The following FYB1 variants were observed in gnomAD, a reference collection of about 807,000 sequenced individuals.
FYB1 encodes FYN-binding protein 1.
A neutral mutation model predicts 94.1 loss-of-function variants in FYB1; 41 were observed. The ratio of observed to expected loss-of-function variants is 0.44; its 90% confidence interval spans 0.34 to 0.57. The LOEUF is 0.57. Ranked by LOEUF, FYB1 falls within the 20% of genes least tolerant of loss-of-function variation. The probability of loss-of-function intolerance (pLI) is 0.02; values close to 1 mark genes in which losing one functional copy is unlikely to be tolerated. For synonymous variants in FYB1, 367 were observed against 353.2 expected (o/e 1.04, Z -0.44); for missense variants, 1,050 against 976.8 (o/e 1.07, Z -1.00).
chr5:39,134,657 C>T (rs1364604304), intron 8 of FYB1, among the ~76,000 whole-genome samples, 198 bp downstream of exon 8: 1 of 152,156 alleles, frequency 6.6e-6, no homozygotes, highest in Non-Finnish European at 1.5e-5. Flanking sequence ...TAATATAAAA[C>T]TGTACGTTGT....
rs1053930651 is a variant in FYB1, at chr5:39,188,637, G to A, written c.1135+13189C>T. Among the ~76,000 whole-genome samples, 5 of 147,178 alleles carry A rather than the reference G, an allele frequency of 3.4e-5. No individual in the cohort carries two copies. The East Asian group carries it at 6.0e-4, about 18-fold the overall frequency. On this transcript the variant is annotated intron_variant, in intron 2 of 18. Coordinates refer to ENST00000512982, the MANE Select transcript of FYB1 (RefSeq NM_001465.6). Reference sequence around the variant, plus strand: ...TTGGCTCACTGCAACCTCCGCCTCCGGGGTTCAAGTGACTTTCCCAAGTAG... The same window carrying A: ...TTGGCTCACTGCAACCTCCGCCTCCAGGGTTCAAGTGACTTTCCCAAGTAG...
chr5:39,138,463 A>G, intron 6 of FYB1, 194 bp downstream of exon 6: 1 of 457,780 alleles, frequency 2.2e-6, no homozygotes, highest in Non-Finnish European at 4.0e-6. Flanking sequence ...TAGCTTTTTA[A>G]CAGAGTCCTT....
At chr5:39,222,764 A>T (rs777830820), upstream of FYB1, among the ~76,000 whole-genome samples, 1 of 152,232 alleles carries the variant, frequency 6.6e-6, no homozygotes, top group African/African-American at 2.4e-5. Flanking sequence ...TTATTATTAC[A>T]TAATAATAAA....
At chr5:39,267,760 G>A (rs1489531451) in intron 1 of FYB1, among the ~76,000 whole-genome samples, 2 of 152,190 alleles carry the variant, frequency 1.3e-5, no homozygotes, top group African/African-American at 4.8e-5. Context: ...TATATAGTAA[G>A]AAACTTAAAG....
At chr5:39,251,709 A>G (rs1751715385) in intron 1 of FYB1, among the ~76,000 whole-genome samples, 1 of 152,218 alleles carries the variant, frequency 6.6e-6, no homozygotes, top group Non-Finnish European at 1.5e-5. Flanking sequence ...AAATTATTAT[A>G]AAGTTTACTT....
At chr5:39,175,104 G>A (rs772782818) in intron 2 of FYB1, among the ~76,000 whole-genome samples, 1 of 152,140 alleles carries the variant, frequency 6.6e-6, no homozygotes, top group African/African-American at 2.4e-5. Context: ...AGGAGGAGGG[G>A]AATTGCTGAT....
At chr5:39,263,295 A>T (rs908077455) in intron 1 of FYB1, among the ~76,000 whole-genome samples, 2 of 152,140 alleles carry the variant, frequency 1.3e-5, no homozygotes, top group African/African-American at 4.8e-5. Context: ...AGATGCACTG[A>T]TGTGTTATAT....
At chr5:39,149,789 T>C (rs1432816447) in intron 3 of FYB1, among the ~76,000 whole-genome samples, 1 of 152,124 alleles carries the variant, frequency 6.6e-6, no homozygotes, top group Non-Finnish European at 1.5e-5. Flanking sequence ...CCCGGCGTTA[T>C]TGATTGTTCC....
chr5:39,120,224 T>TTG (rs10532379), intron 14 of FYB1, among the ~76,000 whole-genome samples: 3,110 of 147,642 alleles, frequency 0.021, 69 homozygotes, highest in African/African-American at 0.052. Context: ...CCTTTATCAA[T>TTG]TGTGTGTGTG....
At chr5:39,153,367 C>T (rs1177019038) in intron 3 of FYB1, 81 bp downstream of exon 3, 10 of 1,527,888 alleles carry the variant, frequency 6.5e-6, no homozygotes, top group Non-Finnish European at 9.0e-6. Context: ...TCCCATGGAA[C>T]TCTCAGCATT....
At chr5:39,261,186 A>G (rs1219170053) in intron 1 of FYB1, among the ~76,000 whole-genome samples, 1 of 151,808 alleles carries the variant, frequency 6.6e-6, no homozygotes, top group Non-Finnish European at 1.5e-5. Flanking sequence ...GGGGATGGGG[A>G]GCGAGGGGAG....
chr5:39,227,262 C>CA (rs58565928), intron 1 of FYB1, among the ~76,000 whole-genome samples: 2 of 150,516 alleles, frequency 1.3e-5, no homozygotes. Flanking sequence ...CTGGTTTGCA[C>CA]AAAAAAAAAG....
At chr5:39,208,653 G>A (rs1327462816) in intron 1 of FYB1, among the ~76,000 whole-genome samples, 2 of 152,164 alleles carry the variant, frequency 1.3e-5, no homozygotes, top group Non-Finnish European at 2.9e-5. Flanking sequence ...AAGAGAAACG[G>A]TTCCAGAAAG....
intron 16 of FYB1, among the ~76,000 whole-genome samples, chr5:39,115,082 T>C (rs967263558): frequency 6.8e-6 from 1 of 147,714 alleles, no homozygotes; most frequent in Admixed American, 7.0e-5. Flanking sequence ...AGTAGCATAG[T>C]AGGATGAAAC....
At chr5:39,195,934 A>C (rs1183446135) in intron 2 of FYB1, among the ~76,000 whole-genome samples, 1 of 142,922 alleles carries the variant, frequency 7.0e-6, no homozygotes, top group Non-Finnish European at 1.5e-5. Context: ...TTGTAACCTT[A>C]AATTGTTCTT....
Position 39,134,221 on chromosome 5 carries a change from C to A in FYB1, c.1804G>T (p.Asp602Tyr). ...ACTTGCACATACCTGCTAATATCAT[C>A]CTGCTCTGCAACATCATCATATACT... ...QEVYDDVAEQ[D>Y]DISSHSQSGS... The change falls in exon 9 of 19, where the codon GAT becomes TAT. Residue 602 changes from aspartate to tyrosine, a missense_variant. Physicochemically the swap from Asp to Tyr is radical, Grantham distance 160. Coordinates refer to ENST00000512982, the MANE Select transcript of FYB1 (RefSeq NM_001465.6). The A allele has an allele frequency of 6.2e-7, 1 of 1,610,558 alleles. No individual in the cohort carries two copies.
chr5:39,194,072 T>G (rs1037086804), intron 2 of FYB1, among the ~76,000 whole-genome samples: 15 of 152,184 alleles, frequency 9.9e-5, no homozygotes, highest in African/African-American at 3.6e-4. Flanking sequence ...ATATCCTGGC[T>G]AAGATTCTTG....
At position 39,118,339 on chromosome 5, in the gene FYB1, G is replaced by C. The variant is rs75280127; in HGVS notation, c.2401+535C>G. 7.0e-3 allele frequency among the ~76,000 whole-genome samples: 1,062 copies of C among 152,214 alleles called. 1 individual carries two copies. Among genetic ancestry groups the C allele is most frequent in the South Asian group, 0.018 (86 of 4,822 alleles). On this transcript the variant is annotated intron_variant, in intron 16 of 18. Transcript: ENST00000512982. Reference sequence around the variant, plus strand: ...GTGAATTTGTAAGGTAAGAAAACTGGAAATTCTAGGTGTGAAATATCCAGA... The same window carrying C: ...GTGAATTTGTAAGGTAAGAAAACTGCAAATTCTAGGTGTGAAATATCCAGA...
At chr5:39,147,287 G>A (rs1195930258) in intron 3 of FYB1, among the ~76,000 whole-genome samples, 1 of 145,324 alleles carries the variant, frequency 6.9e-6, no homozygotes, top group East Asian at 2.0e-4. Context: ...TTTTTTTTTT[G>A]GAGACAGGAT....
Sources: allele counts gnomAD v4.1 joint callset (sites outside exome capture counted in the v4.1 genomes callset), GRCh38; gene constraint gnomAD v4.1.1; transcripts MANE v1.5; gene names NCBI Gene and HGNC (gene_info 2026-07-23, HGNC 2026-07-21).